MEIKIN: variants seen among roughly 807,000 people sequenced by gnomAD.
MEIKIN encodes meiosis-specific kinetochore protein.
chr5:131,843,908 C>G (rs1749963624), intron 11 of MEIKIN, among the ~76,000 whole-genome samples: 1 of 152,176 alleles, frequency 6.6e-6, no homozygotes, highest in South Asian at 2.1e-4. Flanking sequence ...TCTGTTCTCA[C>G]ATTGCTATAA....
chr5:131,810,453 C>A (rs1394475322), intron 12 of MEIKIN, among the ~76,000 whole-genome samples: 1 of 152,198 alleles, frequency 6.6e-6, no homozygotes, highest in South Asian at 2.1e-4. Context: ...CCTACAGTGT[C>A]TTGTTCTAGT....
At chr5:131,861,793 T>G (rs1372748356) in intron 9 of MEIKIN, among the ~76,000 whole-genome samples, 1 of 152,204 alleles carries the variant, frequency 6.6e-6, no homozygotes, top group Non-Finnish European at 1.5e-5. Context: ...GCATCCCTGG[T>G]ATAAAACCCA....
intron 9 of MEIKIN, among the ~76,000 whole-genome samples, chr5:131,866,682 T>C (rs1750390817): frequency 6.6e-6 from 1 of 152,124 alleles, no homozygotes; most frequent in South Asian, 2.1e-4. Context: ...GGCTGCCTCT[T>C]CAGCCCCAGG....
At chr5:131,871,910 A>G (rs2149625069) in intron 9 of MEIKIN, among the ~76,000 whole-genome samples, 1 of 152,282 alleles carries the variant, frequency 6.6e-6, no homozygotes, top group East Asian at 1.9e-4. Flanking sequence ...ACCTCTAGCA[A>G]ACTCCAACAG....
chr5:131,881,144 G>C (rs55875925), intron 8 of MEIKIN, among the ~76,000 whole-genome samples: 1 of 152,164 alleles, frequency 6.6e-6, no homozygotes, highest in African/African-American at 2.4e-5. Context: ...TGACAAAAAA[G>C]AAAGTGTTAA....
chr5:131,899,473 T>A (rs935291986), intron 8 of MEIKIN, among the ~76,000 whole-genome samples: 1 of 149,640 alleles, frequency 6.7e-6, no homozygotes, highest in Middle Eastern at 3.5e-3. Context: ...TCTCTACTTA[T>A]CAATAGTAAC....
intron 11 of MEIKIN, among the ~76,000 whole-genome samples, chr5:131,831,678 T>C (rs1273433267): frequency 6.6e-6 from 1 of 152,182 alleles, no homozygotes; most frequent in Non-Finnish European, 1.5e-5. Context: ...ATGCTGCTGA[T>C]AAAGACATAC....
rs546131240 is a variant in MEIKIN at position 131,916,030 on chromosome 5, G to A, written c.638+856C>T. Reference sequence around the variant, plus strand: ...AAACCCCGTCTCCATTAGCTACTAAGTCAAAGTTGTAGGGGTTTTACTTTG... The same window carrying A: ...AAACCCCGTCTCCATTAGCTACTAAATCAAAGTTGTAGGGGTTTTACTTTG... On this transcript the variant is annotated intron_variant, in intron 7 of 12. Transcript: ENST00000442687. Among the ~76,000 whole-genome samples the A allele has an allele frequency of 4.6e-5, 7 of 152,280 alleles. No individual in the cohort carries two copies. The South Asian group carries it at 1.0e-3, about 23-fold the overall frequency.
chr5:131,834,303 C>T (rs1292876335), intron 11 of MEIKIN, among the ~76,000 whole-genome samples: 1 of 152,184 alleles, frequency 6.6e-6, no homozygotes, highest in Admixed American at 6.5e-5. Flanking sequence ...ATCAAATTAA[C>T]ACATCCATCA....
At chr5:131,941,810 A>C (rs998740804) in intron 4 of MEIKIN, among the ~76,000 whole-genome samples, 2 of 152,186 alleles carry the variant, frequency 1.3e-5, no homozygotes, top group African/African-American at 4.8e-5. Context: ...CTTTCAGTGA[A>C]TGACACTACC....
intron 10 of MEIKIN, among the ~76,000 whole-genome samples, chr5:131,852,196 A>C (rs1300102206): frequency 6.6e-6 from 1 of 152,088 alleles, no homozygotes; most frequent in African/African-American, 2.4e-5. Context: ...ACCCGGTGTG[A>C]GGTGATTGAA....
intron 11 of MEIKIN, among the ~76,000 whole-genome samples, chr5:131,821,630 CTTTTTT>C (rs375765946): frequency 1.6e-4 from 8 of 50,452 alleles, no homozygotes; most frequent in South Asian, 1.2e-3. Flanking sequence ...TGAGGTCTGC[CTTTTTT>C]TTTTTTTTTT....
chr5:131,852,770 G>C (rs1750136433), intron 10 of MEIKIN, among the ~76,000 whole-genome samples: 1 of 152,008 alleles, frequency 6.6e-6, no homozygotes, highest in African/African-American at 2.4e-5. Context: ...AAAAACCACT[G>C]AATTATATAC....
chr5:131,877,557 C>A (rs565570502), intron 9 of MEIKIN, among the ~76,000 whole-genome samples: 19 of 152,032 alleles, frequency 1.2e-4, no homozygotes, highest in Non-Finnish European at 2.8e-4. Flanking sequence ...GCAAGAGAAT[C>A]ATTTGAGTCT....
intron 6 of MEIKIN, among the ~76,000 whole-genome samples, chr5:131,920,718 G>A (rs2149647347): frequency 6.8e-6 from 1 of 146,942 alleles, no homozygotes; most frequent in South Asian, 2.1e-4. Context: ...TTTTTGAGAA[G>A]ATCCTCATTC....
chr5:131,869,333 C>G lies in MEIKIN; in HGVS notation c.774+9645G>C, dbSNP rs145633315. Among the ~76,000 whole-genome samples the G allele has an allele frequency of 3.7e-3, 569 of 152,276 alleles. 4 individuals carry two copies. Among genetic ancestry groups the G allele is most frequent in the African/African-American group, 0.013 (539 of 41,556 alleles). On this transcript the variant is annotated intron_variant, in intron 9 of 12. Coordinates refer to ENST00000442687, the MANE Select transcript of MEIKIN (RefSeq NM_001303622.2). Reference sequence around the variant, plus strand: ...GGGCTCTCTCTCTATTCTGTTCCATCGATCTGTTTGTTTATTCTTTTACCA... The same window carrying G: ...GGGCTCTCTCTCTATTCTGTTCCATGGATCTGTTTGTTTATTCTTTTACCA...
intron 12 of MEIKIN, among the ~76,000 whole-genome samples, chr5:131,816,330 T>C (rs1773098341): frequency 1.3e-5 from 2 of 152,266 alleles, no homozygotes; most frequent in African/African-American, 4.8e-5. Flanking sequence ...TGAAGGTATT[T>C]TGTAGATGTG....
chr5:131,855,460 G>A (rs1750176517), intron 9 of MEIKIN, among the ~76,000 whole-genome samples: 2 of 151,892 alleles, frequency 1.3e-5, no homozygotes, highest in Admixed American at 1.3e-4. Context: ...GACAGAGTGA[G>A]GAGAGAAACA....
At chr5:131,929,366 T>C (rs1751643548) in intron 5 of MEIKIN, among the ~76,000 whole-genome samples, 1 of 152,186 alleles carries the variant, frequency 6.6e-6, no homozygotes, top group Non-Finnish European at 1.5e-5. Context: ...TTTTAGCCAC[T>C]ATTTCTTCAA....
Sources: gnomAD v4.1 joint callset for allele counts (sites outside exome capture counted in the v4.1 genomes callset) on GRCh38, gnomAD v4.1.1 for gene constraint, MANE v1.5 for transcripts, NCBI Gene and HGNC (gene_info 2026-07-23, HGNC 2026-07-21) for gene names.